ZNF496: variants seen among roughly 807,000 people sequenced by gnomAD.
ZNF496 encodes NSD1 (nuclear receptor binding SET-domain containing 1)-interacting zinc finger protein 1.
Under a neutral mutation model 58.9 loss-of-function variants are expected in ZNF496, and 11 were observed. The observed-to-expected ratio is 0.19, with a 90% CI of 0.12 to 0.31. ZNF496 has a LOEUF of 0.31. ZNF496 is among the 10% of genes least tolerant of loss of function. The pLI, the probability that ZNF496 is intolerant of heterozygous loss-of-function variation, is 1.00. For synonymous variants in ZNF496, 338 were observed against 318.2 expected, an observed-to-expected ratio of 1.06 and a Z score of -0.66; for missense variants, 660 against 783.0, an observed-to-expected ratio of 0.84 and a Z score of 1.88.
intron 5 of ZNF496, among the ~76,000 whole-genome samples, chr1:247,327,223 C>T (rs1028531716): frequency 6.6e-6 from 1 of 152,254 alleles, no homozygotes; most frequent in Non-Finnish European, 1.5e-5. Flanking sequence ...CACCACCACA[C>T]ACAACTAATT....
At chr1:247,301,983 A>G (rs1659254541) in intron 9 of ZNF496, among the ~76,000 whole-genome samples, 1 of 152,186 alleles carries the variant, frequency 6.6e-6, no homozygotes, top group African/African-American at 2.4e-5. Flanking sequence ...GGTGATGGAT[A>G]AAGCTGCTCT....
intron 6 of ZNF496, 171 bp from the exon 7 acceptor site, chr1:247,310,627 G>T: frequency 1.2e-6 from 1 of 803,860 alleles, no homozygotes; most frequent in Non-Finnish European, 1.9e-6. Context: ...GGTGCCAGCA[G>T]GCTGGGTGCC....
chr1:247,308,084 T>G lies in ZNF496; in HGVS notation c.1006+391A>C, dbSNP rs77000859. The G allele has an allele frequency of 7.6e-4, 701 of 923,328 alleles. 4 individuals carry two copies. The African/African-American group carries it at 0.01, about 13-fold the overall frequency. 57.2% of individuals were successfully genotyped at this position (923,328 alleles called of 1,614,324 possible). A position where few individuals can be genotyped will look rare whatever the true frequency, so the allele number is the denominator to read the frequency against. ...AACAGCACTACAGCAGCACCCTGCTTTGACACACCCTCCCCGGCCCCTGGG... is the reference window on the plus strand; with the variant it reads ...AACAGCACTACAGCAGCACCCTGCTGTGACACACCCTCCCCGGCCCCTGGG... On this transcript the variant is annotated intron_variant, in intron 9 of 9. Coordinates refer to ENST00000682384, the MANE Select transcript of ZNF496 (RefSeq NM_032752.3). This position sits in a 1 kb window ranked among gnomAD's most constrained non-coding sequence, Gnocchi z 4.5.
intron 9 of ZNF496, among the ~76,000 whole-genome samples, chr1:247,304,333 T>G (rs1445995376): frequency 6.6e-6 from 1 of 151,576 alleles, no homozygotes; most frequent in Non-Finnish European, 1.5e-5. Flanking sequence ...CAGAGGTTAT[T>G]GCTGAGCCTT....
intron 6 of ZNF496, among the ~76,000 whole-genome samples, chr1:247,321,244 T>G (rs1659953875): frequency 3.9e-5 from 6 of 152,190 alleles, no homozygotes; most frequent in Admixed American, 3.9e-4. Context: ...GAGGACATTA[T>G]GCTGAATGAA....
Position 247,300,997 on chromosome 1 carries a change from C to T in ZNF496, c.1286G>A (p.Arg429Lys). Residue 429 changes from arginine (R) to lysine (K), a missense_variant, in exon 10 of 10, where the codon AGG becomes AAG. By Grantham distance (26) the Arg-to-Lys change is conservative. Coordinates refer to ENST00000682384, the MANE Select transcript of ZNF496 (RefSeq NM_032752.3). This position sits in a 1 kb window ranked among gnomAD's most constrained non-coding sequence, Gnocchi z 5.7. ...GCACTCGTGCGGCTTCTCCTGCTCC[C>T]TGCGGCTCCGCAGATGCCGGATGAA... Reference protein sequence around the residue: ...VNFIRHLRSRREQEKPHECSV... With the variant: ...VNFIRHLRSRKEQEKPHECSV... 6.2e-7 allele frequency: 1 copy of T among 1,613,830 alleles called. No homozygotes were observed. Among genetic ancestry groups the T allele is most frequent in the South Asian group, 1.1e-5 (1 of 91,086 alleles).
chr1:247,322,953 C>G (rs1345326463), intron 6 of ZNF496: 1 of 714,606 alleles, frequency 1.4e-6, no homozygotes, highest in Non-Finnish European at 2.2e-6. Flanking sequence ...GACAGTAGAC[C>G]CAGTGGGCGG....
chr1:247,330,723 G>A (rs1308663577), intron 2 of ZNF496, among the ~76,000 whole-genome samples: 2 of 152,272 alleles, frequency 1.3e-5, no homozygotes, highest in African/African-American at 4.8e-5. Flanking sequence ...AGGACCGGCA[G>A]TGCCTGCCAC....
At chr1:247,330,330 C>T (rs959154760) in intron 2 of ZNF496, among the ~76,000 whole-genome samples, 1 of 152,196 alleles carries the variant, frequency 6.6e-6, no homozygotes, top group Non-Finnish European at 1.5e-5. Flanking sequence ...AGCCTTCTGC[C>T]AATTCTGCCC....
chr1:247,301,754 G>A (rs1445549038), intron 9 of ZNF496, among the ~76,000 whole-genome samples: 1 of 152,226 alleles, frequency 6.6e-6, no homozygotes, highest in African/African-American at 2.4e-5. Flanking sequence ...CAGGGACTGT[G>A]CTAGACTTGA....
chr1:247,311,446 CACACACACACACACACAT>C (rs1659600642), intron 6 of ZNF496: 2 of 149,454 alleles, frequency 1.3e-5, no homozygotes, highest in African/African-American at 5.0e-5. Context: ...CACACACACA[CACACACACACACACACAT>C]ATATAGTGGT....
Position 247,322,776 on chromosome 1 carries a change from G to A in ZNF496, c.651+378C>T. ...CTAACATTTCTAAAATATAACCATT[G>A]CTGCGATGATTATTAAATTGAAAAA... On this transcript the variant is annotated intron_variant, in intron 6 of 9. Coordinates refer to ENST00000682384, the MANE Select transcript of ZNF496 (RefSeq NM_032752.3). 5 of 1,295,398 alleles carry A rather than the reference G, an allele frequency of 3.9e-6. No homozygotes were observed. The South Asian group carries it at 6.2e-5, about 16-fold the overall frequency. The allele number at this position is 1,295,398 out of a possible 1,614,324, so 80.2% of individuals were successfully genotyped here.
At chr1:247,317,206 G>A (rs1170039861) in intron 6 of ZNF496, among the ~76,000 whole-genome samples, 6 of 152,018 alleles carry the variant, frequency 3.9e-5, no homozygotes, top group Non-Finnish European at 7.4e-5. Context: ...GAATGGCCAG[G>A]GACCTTGGAA....
At chr1:247,318,412 A>C (rs1659853454) in intron 6 of ZNF496, among the ~76,000 whole-genome samples, 1 of 152,218 alleles carries the variant, frequency 6.6e-6, no homozygotes, top group African/African-American at 2.4e-5. Flanking sequence ...GGTTAATCTA[A>C]AGAAATCCAT....
In ZNF496 at chr1:247,310,324, T is replaced by C; in HGVS notation, c.784A>G (p.Asn262Asp). Residue 262 changes from asparagine to aspartate, a missense_variant and splice_region_variant, in exon 7 of 10, where the codon AAC becomes GAC. Physicochemically the swap from Asn to Asp is conservative, Grantham distance 23. Transcript: ENST00000682384. ...GEDYGVSMPP[N>D]DLAAQPDLSQ... ...GGTGTGGGGGGAAGTTAAGTCTTAC[T>C]TGGAGGCATTGAGACCCCGTAATCC... 6.2e-7 allele frequency: 1 copy of C among 1,614,128 alleles called. No individual in the cohort carries two copies. Among genetic ancestry groups the C allele is most frequent in the African/African-American group, 1.3e-5 (1 of 75,032 alleles).
chr1:247,324,156 C>T (rs1021176372), intron 5 of ZNF496, among the ~76,000 whole-genome samples: 2 of 151,192 alleles, frequency 1.3e-5, no homozygotes, highest in East Asian at 3.9e-4. Flanking sequence ...GAAGGAAAAT[C>T]CTGTCATTTT....
chr1:247,307,515 G>A, intron 9 of ZNF496: 1 of 985,388 alleles, frequency 1.0e-6, no homozygotes, highest in Non-Finnish European at 1.2e-6. Context: ...ACTCCAAGTG[G>A]ACCCCAAATG....
chr1:247,326,089 T>C (rs2386531), intron 5 of ZNF496, among the ~76,000 whole-genome samples: 2 of 146,352 alleles, frequency 1.4e-5, no homozygotes, highest in African/African-American at 2.6e-5. Context: ...CACACATATA[T>C]ACACACACAT....
rs550850692 is a variant in ZNF496, at chr1:247,326,321, A to G, written c.574+2362T>C. On this transcript the variant is annotated intron_variant, in intron 5 of 9. Coordinates refer to ENST00000682384, the MANE Select transcript of ZNF496 (RefSeq NM_032752.3). ...CAGCTCTGATAGGTAGTGCATTCCA[A>G]TGATGAACTGTCCCAATAGTTAAGG... Among the ~76,000 whole-genome samples the G allele has an allele frequency of 7.9e-5, 12 of 152,206 alleles. No individual in the cohort carries two copies. The East Asian group carries it at 2.3e-3, about 29-fold the overall frequency.
Sources: gnomAD v4.1 joint callset for allele counts (sites outside exome capture counted in the v4.1 genomes callset) on GRCh38, gnomAD v4.1.1 for gene constraint, Gnocchi (gnomAD v3.1) non-coding constraint, MANE v1.5 for transcripts, NCBI Gene and HGNC (gene_info 2026-07-23, HGNC 2026-07-21) for gene names.